The following SLC35F3 variants were observed in gnomAD, a reference collection of about 807,000 sequenced individuals.
SLC35F3 encodes solute carrier family 35 member F3, also known as putative thiamine transporter SLC35F3.
Under a neutral mutation model 49.9 loss-of-function variants are expected in SLC35F3, and 25 were observed. The observed-to-expected ratio is 0.50, with a 90% confidence interval of 0.37 to 0.70. The LOEUF (loss-of-function observed/expected upper bound fraction) is 0.70, where lower values mean the gene tolerates loss of function less well. Among genes scored for constraint, SLC35F3 ranks in the 30% least tolerant of loss-of-function variants. The probability of loss-of-function intolerance (pLI) is 0.00; values close to 1 mark genes in which losing one functional copy is unlikely to be tolerated. For missense variants in SLC35F3, 525 were observed against 639.8 expected (o/e 0.82, Z 1.94); for synonymous variants, 275 against 265.4 (o/e 1.04, Z -0.35).
At chr1:234,229,424 G>A (rs1312221857) in intron 2 of SLC35F3, among the ~76,000 whole-genome samples, 1 of 152,186 alleles carries the variant, frequency 6.6e-6, no homozygotes, top group African/African-American at 2.4e-5. Flanking sequence ...CAAATCCATA[G>A]AAACATTTTA....
chr1:234,164,068 G>A (rs1351559124), intron 2 of SLC35F3, among the ~76,000 whole-genome samples: 1 of 151,746 alleles, frequency 6.6e-6, no homozygotes, highest in Non-Finnish European at 1.5e-5. Context: ...AATATGGATT[G>A]TAGAAATAGC....
intron 2 of SLC35F3, among the ~76,000 whole-genome samples, chr1:234,155,624 T>C (rs1233472569): frequency 2.6e-5 from 4 of 151,952 alleles, no homozygotes; most frequent in Non-Finnish European, 5.9e-5. Flanking sequence ...ATAATGTTAC[T>C]ACCTAAATAT....
chr1:233,927,770 G>A (rs72751801), intron 2 of SLC35F3, among the ~76,000 whole-genome samples: 17,154 of 152,060 alleles, frequency 0.11, 1,055 homozygotes, highest in Non-Finnish European at 0.14. Flanking sequence ...ATATAAGGGA[G>A]AAAATGGAAT....
chr1:233,986,728 A>G (rs1663271656), intron 2 of SLC35F3, among the ~76,000 whole-genome samples: 1 of 151,956 alleles, frequency 6.6e-6, no homozygotes, highest in Non-Finnish European at 1.5e-5. Context: ...ACAGATGAAA[A>G]TCTCCCCTTG....
chr1:234,149,506 C>T (rs971150232), intron 2 of SLC35F3, among the ~76,000 whole-genome samples: 5 of 152,154 alleles, frequency 3.3e-5, no homozygotes, highest in South Asian at 2.1e-4. Flanking sequence ...ATGACTTCAA[C>T]GCAGTCCTGT....
At chr1:234,212,073 G>A (rs935009259) in intron 2 of SLC35F3, among the ~76,000 whole-genome samples, 2 of 152,180 alleles carry the variant, frequency 1.3e-5, no homozygotes, top group Non-Finnish European at 2.9e-5. Context: ...TTTGCCTGCT[G>A]CCATCCATGT....
At chr1:234,117,665 T>A (rs1321947139) in intron 2 of SLC35F3, among the ~76,000 whole-genome samples, 1 of 150,180 alleles carries the variant, frequency 6.7e-6, no homozygotes, top group Non-Finnish European at 1.5e-5. Flanking sequence ...GGCTGGTGGA[T>A]CACGAGGTCA....
chr1:234,086,972 C>CT (rs1285897747), intron 2 of SLC35F3, among the ~76,000 whole-genome samples: 6 of 152,244 alleles, frequency 3.9e-5, no homozygotes, highest in Non-Finnish European at 8.8e-5. Context: ...GCCTCTCTCT[C>CT]TGATCATTTC....
intron 2 of SLC35F3, among the ~76,000 whole-genome samples, chr1:234,187,903 C>T (rs1007135766): frequency 2.6e-5 from 4 of 152,078 alleles, no homozygotes; most frequent in African/African-American, 4.8e-5. Context: ...GCCAGAACTC[C>T]GGGTAGGGCA....
chr1:234,204,495 G>A (rs756758774), intron 2 of SLC35F3, among the ~76,000 whole-genome samples: 7 of 152,108 alleles, frequency 4.6e-5, no homozygotes, highest in South Asian at 2.1e-4. Context: ...TCACAATTAC[G>A]ATGGCCCTAA....
chr1:233,984,171 C>T (rs1663230015), intron 2 of SLC35F3, among the ~76,000 whole-genome samples: 1 of 152,186 alleles, frequency 6.6e-6, no homozygotes, highest in Admixed American at 6.5e-5. Context: ...AGCTACTCGG[C>T]TCTTCTCTTT....
At chr1:233,920,285 G>C (rs1016794283) in intron 2 of SLC35F3, among the ~76,000 whole-genome samples, 4 of 152,208 alleles carry the variant, frequency 2.6e-5, no homozygotes, top group Admixed American at 1.3e-4. Context: ...GGGAGTGGGA[G>C]CAATTGATTG....
chr1:234,298,421 T>C (rs969785716), intron 3 of SLC35F3, among the ~76,000 whole-genome samples: 5 of 152,204 alleles, frequency 3.3e-5, no homozygotes, highest in African/African-American at 1.2e-4. Context: ...GTCTGATTTA[T>C]GTTTAAAAGA....
chr1:233,909,496 G>A (rs1299824121), intron 2 of SLC35F3, among the ~76,000 whole-genome samples: 2 of 152,184 alleles, frequency 1.3e-5, no homozygotes, highest in Non-Finnish European at 2.9e-5. Flanking sequence ...TGCCTCTGTA[G>A]TGATTTGTAT....
At chr1:234,254,108 C>T (rs1667780910) in intron 3 of SLC35F3, among the ~76,000 whole-genome samples, 1 of 152,224 alleles carries the variant, frequency 6.6e-6, no homozygotes. Flanking sequence ...CATTGACTTC[C>T]ATGAAGACTG....
At position 234,231,562 on chromosome 1, in the gene SLC35F3, G is replaced by A. The variant is rs749343924; in HGVS notation, c.429G>A (p.Leu143=). 2.2e-5 allele frequency: 35 copies of A among 1,614,026 alleles called. No individual in the cohort carries two copies. Among genetic ancestry groups the A allele is most frequent in the Non-Finnish European group, 2.8e-5 (33 of 1,180,008 alleles). Residue 143 remains leucine, a synonymous_variant, in exon 3 of 8, where the codon CTG becomes CTA. Coordinates refer to ENST00000366618, the MANE Select transcript of SLC35F3 (RefSeq NM_173508.4). The surrounding 1 kb of genome is among the most constrained non-coding windows in gnomAD (Gnocchi z 5.4). ...TCTTCTGGGGCGTGGCGGTCGTGCT[G>A]TGCGTGTGCTCCTCGTGGGCGGGCT... The part of the protein sequence containing the change: ...KKIFWGVAVV[L]CVCSSWAGST...
At position 234,162,381 on chromosome 1, in the gene SLC35F3, CAAAAAAAAAAAAAA is replaced by C. The variant is rs147145054; in HGVS notation, c.284-69020_284-69007del. Among the ~76,000 whole-genome samples, 144 of 58,580 alleles carry C rather than the reference CAAAAAAAAAAAAAA, an allele frequency of 2.5e-3. 1 individual carries two copies. Among genetic ancestry groups the C allele is most frequent in the African/African-American group, 8.2e-3 (129 of 15,776 alleles). 38.4% of individuals were successfully genotyped at this position (58,580 alleles called of 152,430 possible). On this transcript the variant is annotated intron_variant, in intron 2 of 7. Coordinates refer to ENST00000366618, the MANE Select transcript of SLC35F3 (RefSeq NM_173508.4). ...AGGAACATTCAACTAAGCCTCTGTG[CAAAAAAAAAAAAAA>C]AAAAAAAAAAAAAAAGCAATCTTTA...
At chr1:234,158,121 A>T (rs1431875153) in intron 2 of SLC35F3, among the ~76,000 whole-genome samples, 1 of 152,176 alleles carries the variant, frequency 6.6e-6, no homozygotes, top group Admixed American at 6.5e-5. Context: ...TTCAAACAAG[A>T]TTCTTGTTTC....
intron 2 of SLC35F3, among the ~76,000 whole-genome samples, chr1:234,069,934 C>G (rs1485752266): frequency 2.0e-5 from 3 of 152,160 alleles, no homozygotes; most frequent in African/African-American, 7.2e-5. Flanking sequence ...ACCCTTCATT[C>G]TTACTTGAGC....
Sources: gnomAD v4.1 joint callset for allele counts (sites outside exome capture counted in the v4.1 genomes callset) on GRCh38, gnomAD v4.1.1 for gene constraint, Gnocchi (gnomAD v3.1) non-coding constraint, MANE v1.5 for transcripts, NCBI Gene and HGNC (gene_info 2026-07-23, HGNC 2026-07-21) for gene names.